The following LLGL1 variants were observed in gnomAD, a reference collection of about 807,000 sequenced individuals.
LLGL1 encodes lethal(2) giant larvae protein homolog 1.
A neutral mutation model predicts 110.6 loss-of-function variants in LLGL1; 58 were observed. That is an observed-to-expected ratio of 0.52 (90% CI 0.42 to 0.65). The LOEUF (loss-of-function observed/expected upper bound fraction) is 0.65. LLGL1 is among the 30% of genes least tolerant of loss of function. The pLI is 0.00. For synonymous variants in LLGL1, 674 were observed against 607.2 expected, an observed-to-expected ratio of 1.11 and a Z score of -1.62; for missense variants, 1,229 against 1,462.1, an observed-to-expected ratio of 0.84 and a Z score of 2.60.
At chr17:18,237,350 C>A in intron 13 of LLGL1, 131 bp from the exon 14 acceptor site, 1 of 854,318 alleles carries the variant, frequency 1.2e-6, no homozygotes, top group Non-Finnish European at 1.8e-6. Flanking sequence ...GCTTGTTTAG[C>A]TGATGAACTG....
At chr17:18,232,328 G>T (rs560541189) in intron 2 of LLGL1, among the ~76,000 whole-genome samples, 167 bp from the exon 3 acceptor site, 43 of 152,388 alleles carry the variant, frequency 2.8e-4, no homozygotes, top group Non-Finnish European at 3.2e-4. Flanking sequence ...GGGGTGCAGA[G>T]TGGGAGCTTT....
At chr17:18,238,646 TG>T (rs760652818) in intron 16 of LLGL1, 37 bp downstream of exon 16, 11 of 1,576,242 alleles carry the variant, frequency 7.0e-6, no homozygotes, top group Admixed American at 1.7e-5. Context: ...GGGCAAGGGT[TG>T]GGGGGGCTGG....
rs772373097 is a variant in LLGL1 at position 18,236,723 on chromosome 17, C to T, written c.1469C>T (p.Ala490Val). The T allele has an allele frequency of 9.9e-6, 16 of 1,612,290 alleles. No homozygotes were observed. Among genetic ancestry groups the T allele is most frequent in the African/African-American group, 2.7e-5 (2 of 74,892 alleles). Reference sequence around the variant, plus strand: ...GACTGTGAGCACGCTGACAGCCTGGCCCAGGCTGCCGAGGACGACTGGCCA... The same window carrying T: ...GACTGTGAGCACGCTGACAGCCTGGTCCAGGCTGCCGAGGACGACTGGCCA... ...QTDCEHADSL[A>V]QAAEDDWPPF... The change falls in exon 12 of 23, where the codon GCC (alanine) becomes GTC (valine). Residue 490 changes from alanine (A) to valine (V), a missense_variant. Physicochemically the swap from Ala to Val is moderately conservative, Grantham distance 64 (BLOSUM62 0). Coordinates refer to ENST00000316843, the MANE Select transcript of LLGL1 (RefSeq NM_004140.4).
At chr17:18,242,721 G>A in intron 21 of LLGL1, 22 bp from the exon 22 acceptor site, 2 of 1,562,772 alleles carry the variant, frequency 1.3e-6, no homozygotes, top group Non-Finnish European at 1.7e-6. Flanking sequence ...CCCCACCCCT[G>A]AGCACCATCC....
chr17:18,234,179 T>C lies in LLGL1; in HGVS notation c.714+4T>C. The C allele has an allele frequency of 1.2e-6, 2 of 1,600,740 alleles. No individual in the cohort carries two copies. Among genetic ancestry groups the C allele is most frequent in the Middle Eastern group, 1.7e-4 (1 of 6,000 alleles). On this transcript the variant is annotated splice_donor_region_variant and intron_variant, in intron 6 of 22. Coordinates refer to ENST00000316843, the MANE Select transcript of LLGL1 (RefSeq NM_004140.4). ...CCACATCTTCCTGGGGAACCAGGTA[T>C]GTAGGTGAGGCCTGTGTCCCCTCAG... is the stretch of plus-strand genomic sequence containing the variant.
intron 1 of LLGL1, among the ~76,000 whole-genome samples, chr17:18,226,161 T>A (rs1259502974): frequency 2.0e-5 from 3 of 152,030 alleles, no homozygotes; most frequent in Non-Finnish European, 2.9e-5. Context: ...CTCTGCCCCT[T>A]CCTATCTCTG....
intron 2 of LLGL1, among the ~76,000 whole-genome samples, chr17:18,230,809 G>C (rs2047550721): frequency 6.6e-6 from 1 of 152,180 alleles, no homozygotes; most frequent in Non-Finnish European, 1.5e-5. Context: ...GAGGGTGTGG[G>C]ATGGGGGTCT....
rs200829360 is a variant in LLGL1 at position 18,225,713 on chromosome 17, G to A, written c.31G>A (p.Ala11Thr). The change falls in exon 1 of 23, where the codon GCC becomes ACC. Residue 11 changes from alanine (A) to threonine (T), a missense_variant. Ala to Thr is a moderately conservative substitution (Grantham distance 58, BLOSUM62 0). Transcript: ENST00000316843. MMKFRFRRQG[A>T]DPQREKLKQE... ...GAAGTTTCGGTTCCGGCGGCAGGGC[G>A]CCGACCCGCAGCGCGAGAAGCTCAA... 3,082 of 1,051,946 alleles carry A rather than the reference G, an allele frequency of 2.9e-3. 15 individuals carry two copies. The highest frequency in any genetic ancestry group is 8.9e-3 in the African/African-American group (517 of 58,050). The allele number at this position is 1,051,946 out of a possible 1,614,324, so 65.2% of individuals were successfully genotyped here.
Position 18,232,559 on chromosome 17 carries a change from C to A in LLGL1, c.244C>A (p.His82Asn), listed in dbSNP as rs2047592221. The part of the protein sequence containing the change: ...HRDAATVTQM[H>N]FLTGQGRLLS... ...GGATGCAGCCACTGTCACACAGATG[C>A]ACTTCTTGACCGGCCAGGTGAGCCT... The change falls in exon 3 of 23, where the codon CAC (histidine) becomes AAC (asparagine). Residue 82 changes from histidine to asparagine, a missense_variant. Transcript: ENST00000316843. The A allele has an allele frequency of 6.2e-7, 1 of 1,614,126 alleles. No individual in the cohort carries two copies. Among genetic ancestry groups the A allele is most frequent in the Non-Finnish European group, 8.5e-7 (1 of 1,179,986 alleles).
rs2047666903 is a variant in LLGL1, at chr17:18,235,273, T to C, written c.1245T>C (p.Ala415=). 3 of 1,610,368 alleles carry C rather than the reference T, an allele frequency of 1.9e-6. No homozygotes were observed. The highest frequency in any genetic ancestry group is 2.5e-6 in the Non-Finnish European group (3 of 1,179,996). Reference sequence around the variant, plus strand: ...AGCTGTGGGCCCGCATTGTGAGCGCTGGCGAGCAGCAGAGCCCCCAGCCTG... The same window carrying C: ...AGCTGTGGGCCCGCATTGTGAGCGCCGGCGAGCAGCAGAGCCCCCAGCCTG... ...PAKLWARIVS[A]GEQQSPQPVS... Residue 415 remains alanine (A), a synonymous_variant, in exon 10 of 23, where the codon GCT becomes GCC. Coordinates refer to ENST00000316843, the MANE Select transcript of LLGL1 (RefSeq NM_004140.4).
In LLGL1 at chr17:18,238,070, C is replaced by A; in HGVS notation, c.1908C>A (p.Cys636Ter). 6.2e-7 allele frequency: 1 copy of A among 1,613,644 alleles called. No homozygotes were observed. The highest frequency in any genetic ancestry group is 8.5e-7 in the Non-Finnish European group (1 of 1,179,966). Residue 636 changes from cysteine to a stop codon, truncating the protein, a stop_gained, in exon 15 of 23, where the codon TGC (cysteine) becomes TGA (stop). Coordinates refer to ENST00000316843, the MANE Select transcript of LLGL1 (RefSeq NM_004140.4). LOFTEE classifies it high-confidence loss of function. ...ACTGGACCCTGTCTTCCCCCAGGTG[C>A]ACTCTTCACCCCAATGACTCCCTGG... is the stretch of plus-strand genomic sequence containing the variant. Reference protein sequence around the residue: ...YQRKSPVLARCTLHPNDSLAM... With the variant: ...YQRKSPVLAR
intron 11 of LLGL1, 28 bp from the exon 12 acceptor site, chr17:18,236,579 G>A (rs756080258): frequency 1.9e-6 from 3 of 1,591,306 alleles, no homozygotes; most frequent in South Asian, 1.1e-5. Flanking sequence ...AGGAACTCGG[G>A]TAGCCCTGAC....
chr17:18,242,365 C>T (rs2047859293), intron 20 of LLGL1, 87 bp downstream of exon 20: 4 of 1,542,782 alleles, frequency 2.6e-6, no homozygotes, highest in Non-Finnish European at 3.6e-6. Context: ...AGGGATCGGG[C>T]AGGCTTCTGT....
At chr17:18,242,651 C>T (rs185885729) in intron 21 of LLGL1, 23 bp downstream of exon 21, 51 of 1,592,430 alleles carry the variant, frequency 3.2e-5, no homozygotes, top group Admixed American at 5.3e-5. Flanking sequence ...GGCAGGTCCA[C>T]AGGGGGGGCT....
rs200946798 is a variant in LLGL1, at chr17:18,234,932, G to T, written c.999G>T (p.Thr333=). The change falls in exon 9 of 23, where the codon ACG becomes ACT. Residue 333 remains threonine, a synonymous_variant. Coordinates refer to ENST00000316843, the MANE Select transcript of LLGL1 (RefSeq NM_004140.4). ...TGCTTCGAGCCGAGACATTGGTGAC[G>T]CTGGACTTCACTTCCCGCATCATCG... ...VSVLRAETLV[T]LDFTSRIIDF... 6.2e-7 allele frequency: 1 copy of T among 1,614,092 alleles called. No individual in the cohort carries two copies. The highest frequency in any genetic ancestry group is 1.3e-5 in the African/African-American group (1 of 75,032).
Position 18,236,847 on chromosome 17 carries a change from G to A in LLGL1, c.1519G>A (p.Asp507Asn), listed in dbSNP as rs1567691664. The change falls in exon 13 of 23, where the codon GAT becomes AAT. Residue 507 changes from aspartate (D) to asparagine (N), a missense_variant. Coordinates refer to ENST00000316843, the MANE Select transcript of LLGL1 (RefSeq NM_004140.4). Reference sequence around the variant, plus strand: ...CCCATCCCTCTAGGTGGGCTGCTTCGATCCCTACAGTGACGATCCCCGGCT... The same window carrying A: ...CCCATCCCTCTAGGTGGGCTGCTTCAATCCCTACAGTGACGATCCCCGGCT... Reference protein sequence around the residue: ...WPPFRKVGCFDPYSDDPRLGV... With the variant: ...WPPFRKVGCFNPYSDDPRLGV... 2 of 1,613,766 alleles carry A rather than the reference G, an allele frequency of 1.2e-6. No individual in the cohort carries two copies. The highest frequency in any genetic ancestry group is 1.7e-6 in the Non-Finnish European group (2 of 1,179,946).
rs771585541 is a variant in LLGL1, at chr17:18,241,960, C to T, written c.2843C>T (p.Ser948Phe). The T allele has an allele frequency of 1.9e-6, 3 of 1,614,166 alleles. No homozygotes were observed. The highest frequency in any genetic ancestry group is 2.5e-6 in the Non-Finnish European group (3 of 1,179,992). Reference protein sequence around the residue: ...SARNITEPLCSLDINWPRDAT... With the variant: ...SARNITEPLCFLDINWPRDAT... ...CGGAACATCACAGAGCCGCTCTGCT[C>T]TCTGGACATTAACTGGCCCCGCGAT... The change falls in exon 19 of 23, where the codon TCT (serine) becomes TTT (phenylalanine). Residue 948 changes from serine (S) to phenylalanine (F), a missense_variant. Transcript: ENST00000316843.
rs755829668 is a variant in LLGL1 at position 18,242,271 on chromosome 17, G to A, written c.2988G>A (p.Met996Ile). ...GAAGCCCTGATCCAGCCCACAGCAT[G>A]GGACCTGGTGAGGGGGGCATGAAAG... is the stretch of plus-strand genomic sequence containing the variant. The part of the protein sequence containing the change: ...LDGSPDPAHS[M>I]GPDTPEPPEA... The change falls in exon 20 of 23, where the codon ATG becomes ATA. Residue 996 changes from methionine to isoleucine, a missense_variant. Transcript: ENST00000316843. 4 of 1,613,462 alleles carry A rather than the reference G, an allele frequency of 2.5e-6. No homozygotes were observed. In the African/African-American group the frequency reaches 4.0e-5, roughly 16 times the overall value.
intron 1 of LLGL1, 150 bp from the exon 2 acceptor site, chr17:18,229,791 G>C: frequency 1.7e-6 from 1 of 602,736 alleles, no homozygotes; most frequent in South Asian, 1.9e-5. Context: ...TCACAGTTGA[G>C]GACGCTGAGG....
Sources: gnomAD v4.1 joint callset for allele counts (sites outside exome capture counted in the v4.1 genomes callset) on GRCh38, gnomAD v4.1.1 for gene constraint, MANE v1.5 for transcripts, NCBI Gene and HGNC (gene_info 2026-07-23, HGNC 2026-07-21) for gene names.